ADH1A: variants seen among roughly 807,000 people sequenced by gnomAD.
The protein encoded by ADH1A is alcohol dehydrogenase 1A (class I), alpha polypeptide.
A neutral mutation model predicts 35.2 loss-of-function variants in ADH1A; 29 were observed. The ratio of observed to expected loss-of-function variants is 0.82; its 90% CI spans 0.61 to 1.12. The LOEUF (loss-of-function observed/expected upper bound fraction) is 1.12, where lower values mean the gene tolerates loss of function less well. Among genes scored for constraint, ADH1A ranks in the 50% most tolerant of loss-of-function variants. ADH1A has a pLI of 0.00. For missense variants in ADH1A, 469 were observed against 464.7 expected, an observed-to-expected ratio of 1.01 and a Z score of -0.09; for synonymous variants, 147 against 164.8, an observed-to-expected ratio of 0.89 and a Z score of 0.83.
chr4:99,281,563 GC>G (rs1733002151), intron 6 of ADH1A, among the ~76,000 whole-genome samples: 1 of 152,098 alleles, frequency 6.6e-6, no homozygotes, highest in Non-Finnish European at 1.5e-5. Flanking sequence ...TTATAATTAT[GC>G]CACTGTACTT....
intron 3 of ADH1A, 72 bp downstream of exon 3, chr4:99,286,778 T>C: frequency 1.3e-6 from 2 of 1,586,260 alleles, no homozygotes; most frequent in Middle Eastern, 2.1e-4. Context: ...CCTCTTTGCC[T>C]CTGTTTCCTC....
At position 99,287,567 on chromosome 4, in the gene ADH1A, A is replaced by C; in HGVS notation, c.117T>G (p.Ile39Met). 3.1e-6 allele frequency: 5 copies of C among 1,611,702 alleles called. No individual in the cohort carries two copies. The Middle Eastern group carries it at 8.3e-4, about 266-fold the overall frequency. Residue 39 changes from isoleucine to methionine, a missense_variant, in exon 2 of 9, where the codon ATT becomes ATG. Ile to Met is a conservative substitution (Grantham distance 10). Coordinates refer to ENST00000209668, the MANE Select transcript of ADH1A (RefSeq NM_000667.4). Reference protein sequence around the residue: ...VAPPKAHEVRIKMVAVGICGT... With the variant: ...VAPPKAHEVRMKMVAVGICGT... ...CAAATGGAAAAATGTATTTCACCTT[A>C]ATACGAACTTCATGGGCCTTAGGAG... is the stretch of plus-strand genomic sequence containing the variant.
chr4:99,288,112 T>C (rs1015087279), intron 1 of ADH1A, among the ~76,000 whole-genome samples: 26 of 152,318 alleles, frequency 1.7e-4, no homozygotes, highest in African/African-American at 6.0e-4. Flanking sequence ...GCCAAAAGGA[T>C]CTGAGTTTAT....
rs1733028883 is a variant in ADH1A, at chr4:99,282,384, C to T, written c.790G>A (p.Asp264Asn). 1.2e-6 allele frequency: 2 copies of T among 1,614,120 alleles called. No homozygotes were observed. Among genetic ancestry groups the T allele is most frequent in the Middle Eastern group, 1.7e-4 (1 of 6,060 alleles). Residue 264 changes from aspartate to asparagine, a missense_variant, in exon 6 of 9, where the codon GAT becomes AAT. Asp to Asn is a conservative substitution (Grantham distance 23). Transcript: ENST00000209668. ...VLKEMTDGGV[D>N]FSFEVIGRLD... Reference sequence around the variant, plus strand: ...CGACCGATGACTTCAAATGAAAAATCCACACCTCCATCAGTCATTTCCTTT... The same window carrying T: ...CGACCGATGACTTCAAATGAAAAATTCACACCTCCATCAGTCATTTCCTTT...
At chr4:99,284,660 G>A (rs747449753) in intron 4 of ADH1A, 42 bp from the exon 5 acceptor site, 3 of 1,613,202 alleles carry the variant, frequency 1.9e-6, no homozygotes, top group Admixed American at 3.3e-5. Flanking sequence ...CATGAGACAG[G>A]ACCATAACTA....
At chr4:99,286,508 G>C (rs1226916522) in intron 3 of ADH1A, among the ~76,000 whole-genome samples, 2 of 152,144 alleles carry the variant, frequency 1.3e-5, no homozygotes, top group East Asian at 3.9e-4. Context: ...CCTGACAGAA[G>C]ACCGTGTTCA....
At chr4:99,277,805 T>G (rs1732906325) in intron 8 of ADH1A, among the ~76,000 whole-genome samples, 1 of 152,130 alleles carries the variant, frequency 6.6e-6, no homozygotes, top group Non-Finnish European at 1.5e-5. Flanking sequence ...ATGTTGAAAT[T>G]TAGAATGTTT....
chr4:99,287,798 A>G (rs1579495001), intron 1 of ADH1A, 133 bp from the exon 2 acceptor site: 5 of 871,290 alleles, frequency 5.7e-6, no homozygotes, highest in Admixed American at 2.9e-5. Flanking sequence ...AGAAATGATC[A>G]CCTCTGATTT....
intron 7 of ADH1A, among the ~76,000 whole-genome samples, 178 bp from the exon 8 acceptor site, chr4:99,279,742 T>G (rs1425522015): frequency 1.3e-5 from 2 of 152,008 alleles, no homozygotes; most frequent in African/African-American, 4.8e-5. Context: ...TAAAAAAAAA[T>G]CACAGATAAA....
In ADH1A at chr4:99,284,717, C is replaced by T. The variant is rs761050568; in HGVS notation, c.346G>A (p.Asp116Asn). 1.2e-6 allele frequency: 2 copies of T among 1,613,954 alleles called. No individual in the cohort carries two copies. The highest frequency in any genetic ancestry group is 2.7e-5 in the African/African-American group (2 of 74,922). The stretch of plus-strand genomic sequence containing the variant: ...GCAGGGAGAGCATCAGAAACCTACT[C>T]GTTTTTCAAGCAGTAGTTGCTCTCC... ...NPESNYCLKN[D>N]VSNPQGTLQD... Residue 116 changes from aspartate (D) to asparagine (N), a missense_variant and splice_region_variant, in exon 4 of 9, where the codon GAT (aspartate) becomes AAT (asparagine). Transcript: ENST00000209668.
At position 99,282,594 on chromosome 4, in the gene ADH1A, A is replaced by G; in HGVS notation, c.580T>C (p.Ser194Pro). The G allele has an allele frequency of 6.2e-7, 1 of 1,613,246 alleles. No individual in the cohort carries two copies. Among genetic ancestry groups the G allele is most frequent in the Non-Finnish European group, 8.5e-7 (1 of 1,179,572 alleles). ...AVNVAKVTPG[S>P]TCAVFGLGGV... The stretch of plus-strand genomic sequence containing the variant: ...CCCAGGCCAAACACAGCACAGGTAG[A>G]GCCTGGGGTGACCTGTGTTTTCAGA... The change falls in exon 6 of 9, where the codon TCT becomes CCT. Residue 194 changes from serine to proline, a missense_variant. Transcript: ENST00000209668.
chr4:99,289,515 T>G (rs1356257970), intron 1 of ADH1A, among the ~76,000 whole-genome samples: 2 of 152,218 alleles, frequency 1.3e-5, no homozygotes, highest in African/African-American at 2.4e-5. Context: ...TAGTGGCTAA[T>G]AGTTATTGAC....
chr4:99,280,084 TG>T lies in ADH1A; in HGVS notation c.964+59del, dbSNP rs112637317. 83 of 1,605,752 alleles carry T rather than the reference TG, an allele frequency of 5.2e-5. 1 individual carries two copies. In the African/African-American group the frequency reaches 8.4e-4, roughly 16 times the overall value. ...CTTTTCAAAACCTTGCCTTGTCACT[TG>T]TAAAAGGGGAGATATGCTGAGGTTA... On this transcript the variant is annotated intron_variant, in intron 7 of 8. Transcript: ENST00000209668.
intron 1 of ADH1A, among the ~76,000 whole-genome samples, chr4:99,289,437 T>C (rs747842823): frequency 2.0e-5 from 3 of 152,216 alleles, no homozygotes; most frequent in Non-Finnish European, 4.4e-5. Context: ...AAGATGAATC[T>C]AGCCTTATGT....
intron 8 of ADH1A, among the ~76,000 whole-genome samples, chr4:99,277,815 T>A (rs1732906629): frequency 6.6e-6 from 1 of 152,132 alleles, no homozygotes; most frequent in Non-Finnish European, 1.5e-5. Context: ...TTAGAATGTT[T>A]CTAATGTTTG....
intron 8 of ADH1A, 76 bp from the exon 9 acceptor site, chr4:99,276,724 T>G: frequency 1.4e-6 from 2 of 1,385,970 alleles, no homozygotes; most frequent in East Asian, 2.3e-5. Context: ...GCATTTGAAA[T>G]GACTTAGTGA....
At chr4:99,287,457 C>G in intron 2 of ADH1A, 107 bp downstream of exon 2, 1 of 1,070,586 alleles carries the variant, frequency 9.3e-7, no homozygotes, top group South Asian at 1.7e-5. Flanking sequence ...TCCTTGACAA[C>G]AAGTATATTC....
chr4:99,284,649 G>A (rs748610299), intron 4 of ADH1A, 31 bp from the exon 5 acceptor site: 10 of 1,613,320 alleles, frequency 6.2e-6, no homozygotes, highest in Non-Finnish European at 8.5e-6. Flanking sequence ...ACACACAAAG[G>A]CATGAGACAG....
At position 99,284,486 on chromosome 4, in the gene ADH1A, T is replaced by C. The variant is rs1217013632; in HGVS notation, c.480A>G (p.Lys160=). The C allele has an allele frequency of 6.2e-7, 1 of 1,614,186 alleles. No homozygotes were observed. The highest frequency in any genetic ancestry group is 2.2e-5 in the East Asian group (1 of 44,886). The change falls in exon 5 of 9, where the codon AAA becomes AAG. Residue 160 remains lysine (K), a synonymous_variant. Transcript: ENST00000209668. ...TCTCTAGAGGCGAGGCTGCATCAAT[T>C]TTGGCTACTGCATTTTCATCCACCA... ...YTVVDENAVA[K]IDAASPLEKV...
Sources: allele counts gnomAD v4.1 joint callset (sites outside exome capture counted in the v4.1 genomes callset), GRCh38; gene constraint gnomAD v4.1.1; transcripts MANE v1.5; gene names NCBI Gene and HGNC (gene_info 2026-07-23, HGNC 2026-07-21).